The following FAF1 variants were observed in gnomAD, a reference collection of about 807,000 sequenced individuals.
FAF1 encodes Fas associated factor 1.
FAF1 carries 25 observed loss-of-function variants against 92.5 expected under a neutral mutation model. That is an observed-to-expected ratio of 0.27 (90% CI 0.20 to 0.38). FAF1 has a LOEUF of 0.38. FAF1 is among the 10% of genes least tolerant of loss of function. FAF1 has a pLI of 1.00. For synonymous variants in FAF1, 234 were observed against 273.2 expected, an observed-to-expected ratio of 0.86 and a Z score of 1.42; for missense variants, 636 against 793.3, an observed-to-expected ratio of 0.80 and a Z score of 2.38.
At chr1:50,828,259 C>CTTTTTTTTTT (rs61047986) in intron 2 of FAF1, among the ~76,000 whole-genome samples, 1 of 139,380 alleles carries the variant, frequency 7.2e-6, no homozygotes, top group South Asian at 2.3e-4. Flanking sequence ...AGGGTCTTTT[C>CTTTTTTTTTT]TTTTTTTTTT....
intron 1 of FAF1, among the ~76,000 whole-genome samples, chr1:50,888,992 C>G (rs1644695174): frequency 6.6e-6 from 1 of 152,142 alleles, no homozygotes; most frequent in Non-Finnish European, 1.5e-5. Context: ...TCCATCTGGT[C>G]CCGGACTTTT....
At chr1:50,539,562 G>A (rs1648660477) in intron 14 of FAF1, 30 bp downstream of exon 14, 1 of 1,562,044 alleles carries the variant, frequency 6.4e-7, no homozygotes, top group Non-Finnish European at 8.7e-7. Flanking sequence ...TACCAGGAAG[G>A]CTTTACTCTC....
At chr1:50,824,880 T>C (rs142329553) in intron 2 of FAF1, among the ~76,000 whole-genome samples, 229 of 152,202 alleles carry the variant, frequency 1.5e-3, no homozygotes, top group Non-Finnish European at 2.8e-3. Flanking sequence ...CATTCATATG[T>C]CAGAGCTAAA....
chr1:50,925,567 A>G (rs1251198062), intron 1 of FAF1, among the ~76,000 whole-genome samples: 1 of 152,218 alleles, frequency 6.6e-6, no homozygotes, highest in Non-Finnish European at 1.5e-5. Context: ...CACCCCGCTC[A>G]GAATGGCTAT....
intron 18 of FAF1, among the ~76,000 whole-genome samples, chr1:50,458,600 CATTTAA>C (rs1646385381): frequency 6.6e-6 from 1 of 152,214 alleles, no homozygotes; most frequent in Non-Finnish European, 1.5e-5. Context: ...ACCTCAAACA[CATTTAA>C]AAAATTCCTT....
At chr1:50,630,171 C>T (rs1271378862) in intron 8 of FAF1, among the ~76,000 whole-genome samples, 2 of 151,926 alleles carry the variant, frequency 1.3e-5, no homozygotes, top group African/African-American at 4.8e-5. Context: ...AAAGATAATA[C>T]AGAAGTCAAG....
chr1:50,910,679 C>T (rs1430717301), intron 1 of FAF1, among the ~76,000 whole-genome samples: 1 of 151,884 alleles, frequency 6.6e-6, no homozygotes. Context: ...GTGGGACCCT[C>T]CAAGCCAGGC....
rs1228112795 is a variant in FAF1 at position 50,761,946 on chromosome 1, T to G, written c.368-17171A>C. ...ATTGTATATCTAGAAAACCCCATTG[T>G]CTCAGCCCAAAATCTCCTTAAGCTG... On this transcript the variant is annotated intron_variant, in intron 4 of 18. Transcript: ENST00000396153. Among the ~76,000 whole-genome samples the G allele has an allele frequency of 1.2e-3, 178 of 152,196 alleles. 3 individuals are homozygous for G. The East Asian group carries it at 0.027, about 23-fold the overall frequency.
chr1:50,564,863 T>C (rs961144641), intron 13 of FAF1, among the ~76,000 whole-genome samples: 3 of 152,150 alleles, frequency 2.0e-5, no homozygotes, highest in Non-Finnish European at 2.9e-5. Flanking sequence ...GTCATTCTAA[T>C]GAATTTTCAC....
intron 7 of FAF1, among the ~76,000 whole-genome samples, chr1:50,673,501 A>G (rs1016077561): frequency 1.3e-5 from 2 of 152,172 alleles, no homozygotes; most frequent in African/African-American, 2.4e-5. Flanking sequence ...TGTTCATGGA[A>G]CTTATATTCA....
At chr1:50,914,330 T>C (rs979413025) in intron 1 of FAF1, among the ~76,000 whole-genome samples, 1 of 152,200 alleles carries the variant, frequency 6.6e-6, no homozygotes, top group Non-Finnish European at 1.5e-5. Flanking sequence ...CAAAACTATA[T>C]AGGCCAGTAA....
rs1427077608 is a variant in FAF1 at position 50,479,719 on chromosome 1, C to T, written c.1654-4040G>A. Among the ~76,000 whole-genome samples, 3 of 152,088 alleles carry T rather than the reference C, an allele frequency of 2.0e-5. No individual in the cohort carries two copies. In the East Asian group the frequency reaches 5.8e-4, roughly 29 times the overall value. On this transcript the variant is annotated intron_variant, in intron 17 of 18. Transcript: ENST00000396153. Reference sequence around the variant, plus strand: ...TACAGAAGAATAAACAACAGTAGCTCGTTACTTCATTCATTATACAGACAA... The same window carrying T: ...TACAGAAGAATAAACAACAGTAGCTTGTTACTTCATTCATTATACAGACAA...
chr1:50,530,319 T>C (rs1165613050), intron 15 of FAF1, among the ~76,000 whole-genome samples: 3 of 151,258 alleles, frequency 2.0e-5, no homozygotes, highest in African/African-American at 7.3e-5. Context: ...GTGTGTATTT[T>C]TTAAAGACTA....
chr1:50,481,272 C>T (rs1442987988), intron 17 of FAF1, among the ~76,000 whole-genome samples: 2 of 152,168 alleles, frequency 1.3e-5, no homozygotes, highest in Non-Finnish European at 2.9e-5. Flanking sequence ...TGTCCTAGGC[C>T]TTCATATTCA....
chr1:50,905,620 C>T (rs1644831213), intron 1 of FAF1, among the ~76,000 whole-genome samples: 1 of 152,230 alleles, frequency 6.6e-6, no homozygotes, highest in Non-Finnish European at 1.5e-5. Context: ...ATTTGCATTT[C>T]TCTGATGGCC....
chr1:50,654,429 C>T (rs1655011304), intron 8 of FAF1, among the ~76,000 whole-genome samples: 1 of 151,838 alleles, frequency 6.6e-6, no homozygotes, highest in Admixed American at 6.6e-5. Flanking sequence ...GAAAAGTGGC[C>T]AAAACTGAAT....
chr1:50,522,746 T>C (rs1303748969), intron 15 of FAF1, among the ~76,000 whole-genome samples: 1 of 152,216 alleles, frequency 6.6e-6, no homozygotes, highest in Non-Finnish European at 1.5e-5. Context: ...TTATTTGTGC[T>C]CTTTATTATT....
intron 2 of FAF1, among the ~76,000 whole-genome samples, chr1:50,836,170 G>GTTTTTTTGTTTTTTTTTTTTT (rs1553144965): frequency 1.5e-4 from 15 of 98,526 alleles, no homozygotes; most frequent in Admixed American, 2.2e-4. Context: ...TTTTGTTTCT[G>GTTTTTTTGTTTTTTTTTTTTT]TTTTTTTTTT....
chr1:50,485,552 C>T (rs1429315052), intron 17 of FAF1, among the ~76,000 whole-genome samples: 1 of 150,720 alleles, frequency 6.6e-6, no homozygotes, highest in Admixed American at 6.6e-5. Flanking sequence ...GTCCCAGCTA[C>T]TCAGGAGGCT....
Sources: allele counts gnomAD v4.1 joint callset (sites outside exome capture counted in the v4.1 genomes callset), GRCh38; gene constraint gnomAD v4.1.1; transcripts MANE v1.5; gene names NCBI Gene and HGNC (gene_info 2026-07-23, HGNC 2026-07-21).